Variants in ENTREP2 observed in about 807,000 individuals in gnomAD.
ENTREP2 encodes protein ENTREP2.
the ENTREP2 span, among the ~76,000 whole-genome samples, chr15:29,472,518 G>A: frequency 3.3e-5 from 5 of 151,518 alleles, no homozygotes; most frequent in African/African-American, 1.2e-4. Context: ...AGGCTGGAGT[G>A]CAATGGCGCA....
At chr15:29,632,168 A>T in the ENTREP2 span, among the ~76,000 whole-genome samples, 1 of 152,150 alleles carries the variant, frequency 6.6e-6, no homozygotes, top group African/African-American at 2.4e-5. Flanking sequence ...GATAAAAAGA[A>T]AACCCAGAGT....
At chr15:29,158,600 T>G in the ENTREP2 span, among the ~76,000 whole-genome samples, 2 of 152,060 alleles carry the variant, frequency 1.3e-5, no homozygotes, top group South Asian at 4.2e-4. Flanking sequence ...TAAGTAGAGA[T>G]AGGGTTTCAC....
At chr15:29,560,045 G>C in the ENTREP2 span, among the ~76,000 whole-genome samples, 1 of 152,170 alleles carries the variant, frequency 6.6e-6, no homozygotes, top group African/African-American at 2.4e-5. Flanking sequence ...TGTGTGAAGG[G>C]GAAATTGAGA....
the ENTREP2 span, among the ~76,000 whole-genome samples, chr15:29,649,250 T>C: frequency 6.6e-6 from 1 of 152,112 alleles, no homozygotes; most frequent in Admixed American, 6.6e-5. Flanking sequence ...TTAAGGCACA[T>C]AGTACAAGCC....
the ENTREP2 span, among the ~76,000 whole-genome samples, chr15:29,617,317 A>C: frequency 6.6e-6 from 1 of 152,158 alleles, no homozygotes; most frequent in Non-Finnish European, 1.5e-5. Context: ...CAGATCCAGA[A>C]AAGAGAGAGA....
chr15:29,587,407 G>A, the ENTREP2 span, among the ~76,000 whole-genome samples: 1 of 152,044 alleles, frequency 6.6e-6, no homozygotes. Context: ...CACTTTAGAT[G>A]TTCTTATTTG....
At chr15:29,592,084 T>C in the ENTREP2 span, among the ~76,000 whole-genome samples, 1 of 152,114 alleles carries the variant, frequency 6.6e-6, no homozygotes, top group Non-Finnish European at 1.5e-5. Context: ...AAGTGACAAA[T>C]TTCTGTTGTT....
At chr15:29,349,546 A>G in the ENTREP2 span, among the ~76,000 whole-genome samples, 7 of 152,332 alleles carry the variant, frequency 4.6e-5, no homozygotes, top group Non-Finnish European at 1.0e-4. Context: ...AAATAGGAAG[A>G]AGGCAGTGTT....
At chr15:29,443,483 G>A in the ENTREP2 span, among the ~76,000 whole-genome samples, 1 of 152,128 alleles carries the variant, frequency 6.6e-6, no homozygotes, top group African/African-American at 2.4e-5. Context: ...TAGCCCACCA[G>A]GAAACCATGA....
the ENTREP2 span, among the ~76,000 whole-genome samples, chr15:29,672,947 G>A: frequency 6.6e-6 from 1 of 152,118 alleles, no homozygotes. Flanking sequence ...CTGCTCGAGG[G>A]AGTATACTTA....
At chr15:29,591,576 T>C in the ENTREP2 span, among the ~76,000 whole-genome samples, 3 of 152,110 alleles carry the variant, frequency 2.0e-5, no homozygotes, top group African/African-American at 4.8e-5. Flanking sequence ...CAGTGAGCCC[T>C]AATCCAAAAT....
the ENTREP2 span, among the ~76,000 whole-genome samples, chr15:29,340,977 C>A: frequency 6.6e-6 from 1 of 152,208 alleles, no homozygotes; most frequent in African/African-American, 2.4e-5. Flanking sequence ...ATATGCCAGG[C>A]CCCATGGGAG....
At chr15:29,278,268 C>T in the ENTREP2 span, among the ~76,000 whole-genome samples, 2 of 152,206 alleles carry the variant, frequency 1.3e-5, no homozygotes, top group Non-Finnish European at 2.9e-5. Context: ...CAAGTGAGAG[C>T]TTAGCAATGA....
the ENTREP2 span, among the ~76,000 whole-genome samples, chr15:29,491,021 G>A: frequency 1.8e-4 from 27 of 152,308 alleles, no homozygotes; most frequent in African/African-American, 6.0e-4. Context: ...GCCCTGACCC[G>A]TGGGGAGGCG....
chr15:29,571,901 C>G, the ENTREP2 span, among the ~76,000 whole-genome samples: 2 of 152,038 alleles, frequency 1.3e-5, no homozygotes, highest in African/African-American at 2.4e-5. Context: ...AGGGACCAGA[C>G]GTGAAAAGGC....
the ENTREP2 span, among the ~76,000 whole-genome samples, chr15:29,150,943 C>G: frequency 6.6e-6 from 1 of 152,100 alleles, no homozygotes; most frequent in Non-Finnish European, 1.5e-5. Context: ...CACACAGAGA[C>G]AGAGAGAGAC....
chr15:29,573,755 T>C, the ENTREP2 span, among the ~76,000 whole-genome samples: 2 of 152,032 alleles, frequency 1.3e-5, no homozygotes, highest in Admixed American at 6.6e-5. Context: ...ACAACCGAGT[T>C]TCAGCTTGGT....
the ENTREP2 span, among the ~76,000 whole-genome samples, chr15:29,469,035 G>C: frequency 2.6e-5 from 4 of 152,156 alleles, no homozygotes; most frequent in Non-Finnish European, 5.9e-5. Context: ...GATAAGGCTG[G>C]AAGAGCATCC....
the ENTREP2 span, among the ~76,000 whole-genome samples, chr15:29,520,317 T>C: frequency 1.3e-5 from 2 of 152,214 alleles, no homozygotes; most frequent in Admixed American, 1.3e-4. Flanking sequence ...CAGGCAGATA[T>C]ACATTTTTAA....
Sources: allele counts gnomAD v4.1 joint callset (sites outside exome capture counted in the v4.1 genomes callset), GRCh38; gene constraint gnomAD v4.1.1; transcripts MANE v1.5; gene names NCBI Gene and HGNC (gene_info 2026-07-23, HGNC 2026-07-21).